TCF12: variants seen among roughly 807,000 people sequenced by gnomAD.
TCF12 encodes transcription factor 12, also known as DNA-binding protein HTF4.
TCF12 carries 45 observed loss-of-function variants against 86.0 expected under a neutral mutation model. The observed-to-expected ratio is 0.52, with a 90% CI of 0.41 to 0.67. The LOEUF (loss-of-function observed/expected upper bound fraction) is 0.67, where lower values mean the gene tolerates loss of function less well. Among genes scored for constraint, TCF12 ranks in the 30% least tolerant of loss-of-function variants. TCF12 has a pLI of 0.00. For synonymous variants in TCF12, 330 were observed against 299.6 expected, an observed-to-expected ratio of 1.10 and a Z score of -1.05; for missense variants, 881 against 859.9, an observed-to-expected ratio of 1.02 and a Z score of -0.31.
intron 5 of TCF12, among the ~76,000 whole-genome samples, chr15:57,120,937 C>T (rs2051184811): frequency 6.6e-6 from 1 of 152,064 alleles, no homozygotes; most frequent in East Asian, 1.9e-4. Context: ...GCCATGATTG[C>T]ACCTCTGCAC....
intron 5 of TCF12, among the ~76,000 whole-genome samples, chr15:57,128,185 A>G (rs2151327498): frequency 6.6e-6 from 1 of 152,234 alleles, no homozygotes; most frequent in East Asian, 1.9e-4. Flanking sequence ...TTTTATACTA[A>G]TGATAGGTAT....
chr15:57,159,982 A>G (rs1299231710), intron 5 of TCF12, among the ~76,000 whole-genome samples: 1 of 151,744 alleles, frequency 6.6e-6, no homozygotes, highest in African/African-American at 2.4e-5. Context: ...TTTATATGCC[A>G]TAATATCATT....
intron 3 of TCF12, among the ~76,000 whole-genome samples, chr15:57,034,410 A>G (rs1486635305): frequency 6.6e-6 from 1 of 152,128 alleles, no homozygotes; most frequent in East Asian, 1.9e-4. Flanking sequence ...ACTCAATAAA[A>G]TTTGCCACCT....
chr15:57,010,156 T>C (rs1320752455), intron 3 of TCF12, among the ~76,000 whole-genome samples: 5 of 152,022 alleles, frequency 3.3e-5, no homozygotes, highest in Non-Finnish European at 7.4e-5. Context: ...CAAAGTCCCC[T>C]CCCTTTTTTT....
At chr15:57,185,456 A>G (rs1194324757) in intron 6 of TCF12, among the ~76,000 whole-genome samples, 1 of 152,326 alleles carries the variant, frequency 6.6e-6, no homozygotes, top group East Asian at 1.9e-4. Flanking sequence ...ACCTAACTTC[A>G]TACCTTAAGA....
chr15:57,232,913 G>A (rs928961432), intron 11 of TCF12, 57 bp downstream of exon 11: 165 of 1,314,062 alleles, frequency 1.3e-4, no homozygotes, highest in Admixed American at 2.4e-4. Flanking sequence ...CAGTGACCCC[G>A]ATATCTTTAT....
intron 7 of TCF12, among the ~76,000 whole-genome samples, chr15:57,195,029 A>C (rs1263530097): frequency 6.6e-6 from 1 of 151,996 alleles, no homozygotes; most frequent in Admixed American, 6.6e-5. Context: ...CAGCCTCCCG[A>C]GTAGCTGAGA....
At chr15:57,091,977 T>G (rs2049020996) in intron 5 of TCF12, 86 bp downstream of exon 5, 1 of 1,102,222 alleles carries the variant, frequency 9.1e-7, no homozygotes, top group Non-Finnish European at 1.4e-6. Flanking sequence ...GAGGGACAGG[T>G]AAGTATCTAG....
intron 8 of TCF12, among the ~76,000 whole-genome samples, chr15:57,222,758 A>ATTTTTT (rs57645813): frequency 1.5e-4 from 7 of 45,522 alleles, no homozygotes; most frequent in Non-Finnish European, 1.1e-4. Flanking sequence ...AAGGACTGCC[A>ATTTTTT]TTTTTTTTTT....
intron 19 of TCF12, among the ~76,000 whole-genome samples, chr15:57,277,104 C>T (rs1597850748): frequency 6.6e-6 from 1 of 152,078 alleles, no homozygotes; most frequent in South Asian, 2.1e-4. Flanking sequence ...CCGCACCTGG[C>T]CAGTTTCAAC....
At chr15:57,050,220 T>C (rs1161766734) in intron 3 of TCF12, among the ~76,000 whole-genome samples, 1 of 152,204 alleles carries the variant, frequency 6.6e-6, no homozygotes, top group African/African-American at 2.4e-5. Context: ...ATAAATCATC[T>C]TTATTCGTAC....
At chr15:57,172,894 A>C (rs1032056992) in intron 6 of TCF12, among the ~76,000 whole-genome samples, 1 of 151,878 alleles carries the variant, frequency 6.6e-6, no homozygotes, top group Admixed American at 6.6e-5. Context: ...TGAGCCCAGG[A>C]GTTCAAGACC....
At chr15:57,217,666 T>G (rs540631116) in intron 8 of TCF12, among the ~76,000 whole-genome samples, 12 of 152,264 alleles carry the variant, frequency 7.9e-5, no homozygotes, top group African/African-American at 2.9e-4. Flanking sequence ...CAATTTCTAT[T>G]GAAAAGTAAG....
At chr15:57,036,390 A>G (rs1294040435) in intron 3 of TCF12, among the ~76,000 whole-genome samples, 1 of 152,228 alleles carries the variant, frequency 6.6e-6, no homozygotes, top group Non-Finnish European at 1.5e-5. Context: ...TAAAATTGCC[A>G]GGTCATGTAA....
At chr15:57,241,995 G>GA (rs1248013928) in intron 12 of TCF12, among the ~76,000 whole-genome samples, 10 of 148,740 alleles carry the variant, frequency 6.7e-5, no homozygotes, top group South Asian at 2.2e-4. Flanking sequence ...CCATCTCAGG[G>GA]AAAAAAAAAA....
chr15:57,037,395 C>T (rs1270727519), intron 3 of TCF12, among the ~76,000 whole-genome samples: 1 of 151,988 alleles, frequency 6.6e-6, no homozygotes, highest in Non-Finnish European at 1.5e-5. Context: ...GAGCCGAGAT[C>T]GTGCCATTGC....
chr15:56,921,964 C>T (rs956398246), intron 3 of TCF12, among the ~76,000 whole-genome samples: 3 of 151,764 alleles, frequency 2.0e-5, no homozygotes, highest in Non-Finnish European at 4.4e-5. Flanking sequence ...ATAGCATGTC[C>T]TTAATCATCT....
At chr15:57,142,983 T>C (rs1358823756) in intron 5 of TCF12, among the ~76,000 whole-genome samples, 1 of 152,166 alleles carries the variant, frequency 6.6e-6, no homozygotes, top group Admixed American at 6.5e-5. Flanking sequence ...AATTTAATTG[T>C]AAGTTTTAAA....
At chr15:57,062,214 C>T (rs1470407574) in intron 3 of TCF12, among the ~76,000 whole-genome samples, 1 of 152,058 alleles carries the variant, frequency 6.6e-6, no homozygotes, top group Non-Finnish European at 1.5e-5. Context: ...CCTCGGCCTC[C>T]CAAAGTGCTA....
Sources: gnomAD v4.1 joint callset for allele counts (sites outside exome capture counted in the v4.1 genomes callset) on GRCh38, gnomAD v4.1.1 for gene constraint, MANE v1.5 for transcripts, NCBI Gene and HGNC (gene_info 2026-07-23, HGNC 2026-07-21) for gene names.